LARP1B: variants seen among roughly 807,000 people sequenced by gnomAD.
LARP1B encodes la-related protein 1B.
LARP1B carries 76 observed loss-of-function variants against 114.2 expected under a neutral mutation model. The observed-to-expected ratio is 0.67, with a 90% CI of 0.55 to 0.81. The LOEUF (loss-of-function observed/expected upper bound fraction) is 0.81. Among genes scored for constraint, LARP1B ranks in the 30% least tolerant of loss-of-function variants. The probability of loss-of-function intolerance (pLI) is 0.00; values close to 1 mark genes in which losing one functional copy is unlikely to be tolerated. For missense variants in LARP1B, 1,014 were observed against 1,075.8 expected (o/e 0.94, Z 0.80); for synonymous variants, 345 against 348.0 (o/e 0.99, Z 0.10).
At chr4:128,222,796 A>T (rs907637431), downstream of LARP1B, 1 of 155,842 alleles carries the variant, frequency 6.4e-6, no homozygotes, top group Non-Finnish European at 1.4e-5. Flanking sequence ...GAAGGCAAAA[A>T]GCTGGTTTAT....
intron 11 of LARP1B, among the ~76,000 whole-genome samples, chr4:128,148,739 G>T (rs1731394274): frequency 6.6e-6 from 1 of 152,000 alleles, no homozygotes; most frequent in South Asian, 2.1e-4. Context: ...AAGCAATTCT[G>T]CTGCAGCCTC....
At chr4:128,117,913 C>CTT (rs35542391) in intron 10 of LARP1B, among the ~76,000 whole-genome samples, 10 of 102,580 alleles carry the variant, frequency 9.7e-5, no homozygotes, top group African/African-American at 1.4e-4. Flanking sequence ...AACAGAAAAT[C>CTT]TTTTTTTTTT....
intron 15 of LARP1B, among the ~76,000 whole-genome samples, chr4:128,194,528 C>G (rs1211984832): frequency 6.6e-6 from 1 of 151,430 alleles, no homozygotes; most frequent in Non-Finnish European, 1.5e-5. Context: ...TAAAAATACA[C>G]AAAAATTAGC....
chr4:128,140,179 T>C (rs1469768671), intron 11 of LARP1B, among the ~76,000 whole-genome samples: 2 of 152,232 alleles, frequency 1.3e-5, no homozygotes, highest in Non-Finnish European at 2.9e-5. Flanking sequence ...TACATTGTGT[T>C]TGTATTGGCT....
chr4:128,069,675 A>T lies in LARP1B; in HGVS notation c.-77-4785A>T, dbSNP rs1277771888. ...CACGGATTCTTTTATTAAAATCACA[A>T]TATGGGTTTATTAATCCCTTACTTG... On this transcript the variant is annotated intron_variant, in intron 1 of 19. Transcript: ENST00000326639. 4 of 480,656 alleles carry T rather than the reference A, an allele frequency of 8.3e-6. No homozygotes were observed. The East Asian group carries it at 1.5e-4, about 18-fold the overall frequency. 29.8% of individuals were successfully genotyped at this position (480,656 alleles called of 1,614,324 possible). A position where few individuals can be genotyped will look rare whatever the true frequency, so the allele number is the denominator to read the frequency against.
At chr4:128,122,239 T>A (rs898610296) in intron 11 of LARP1B, 51 bp downstream of exon 11, 1 of 1,585,530 alleles carries the variant, frequency 6.3e-7, no homozygotes, top group African/African-American at 1.4e-5. Context: ...TTTGATTGTA[T>A]GTTGCTGTTT....
At chr4:128,168,830 G>A (rs764535161) in intron 12 of LARP1B, among the ~76,000 whole-genome samples, 9 of 151,866 alleles carry the variant, frequency 5.9e-5, no homozygotes, top group East Asian at 3.9e-4. Context: ...GAATGCTGGC[G>A]TCATAAAATG....
intron 9 of LARP1B, chr4:128,108,225 G>A (rs1282079941): frequency 1.1e-5 from 13 of 1,156,132 alleles, no homozygotes; most frequent in African/African-American, 4.8e-5. Flanking sequence ...TGGAAATACC[G>A]CAAGATTATG....
chr4:128,179,253 G>A, intron 14 of LARP1B, 153 bp from the exon 15 acceptor site: 1 of 453,802 alleles, frequency 2.2e-6, no homozygotes, highest in South Asian at 5.4e-5. Flanking sequence ...ACTTGTGTGT[G>A]AGATTTTTGA....
At chr4:128,188,864 G>C (rs1409226868) in intron 15 of LARP1B, among the ~76,000 whole-genome samples, 1 of 152,112 alleles carries the variant, frequency 6.6e-6, no homozygotes, top group East Asian at 1.9e-4. Flanking sequence ...AAAGATACTT[G>C]ATATGATTTT....
At chr4:128,179,772 G>A (rs1000930396) in intron 15 of LARP1B, among the ~76,000 whole-genome samples, 1 of 151,998 alleles carries the variant, frequency 6.6e-6, no homozygotes, top group Non-Finnish European at 1.5e-5. Context: ...GTAGGTCTAT[G>A]AAAGTTATTA....
rs756718214 is a variant in LARP1B, at chr4:128,145,884, A to G, written c.1525-16310A>G. Among the ~76,000 whole-genome samples the G allele has an allele frequency of 5.1e-4, 78 of 152,372 alleles. No homozygotes were observed. In the Middle Eastern group the frequency reaches 0.01, roughly 20 times the overall value. ...AGGCTGGTATTGGTTGCTCCGTCAT[A>G]GCCAGAAGCAGAAGACCATACCCAT... On this transcript the variant is annotated intron_variant, in intron 11 of 19. Coordinates refer to ENST00000326639, the MANE Select transcript of LARP1B (RefSeq NM_018078.4).
intron 11 of LARP1B, among the ~76,000 whole-genome samples, chr4:128,137,792 T>TATA (rs1491094237): frequency 0.016 from 762 of 47,286 alleles, 7 homozygotes; most frequent in Middle Eastern, 0.04. Context: ...TATATATATA[T>TATA]TTTTTTTTTA....
intron 15 of LARP1B, among the ~76,000 whole-genome samples, chr4:128,196,879 T>C (rs1047394085): frequency 2.0e-5 from 3 of 152,082 alleles, no homozygotes; most frequent in African/African-American, 7.2e-5. Context: ...AGGAATGAAA[T>C]TTTGATTTAT....
intron 1 of LARP1B, among the ~76,000 whole-genome samples, chr4:128,072,868 A>C (rs1765920155): frequency 6.6e-6 from 1 of 152,054 alleles, no homozygotes; most frequent in Admixed American, 6.6e-5. Flanking sequence ...TGTATATATA[A>C]AATTATATTT....
Position 128,092,530 on chromosome 4 carries a change from A to T in LARP1B, c.668+1018A>T, listed in dbSNP as rs1580214834. Among the ~76,000 whole-genome samples the T allele has an allele frequency of 2.6e-5, 4 of 152,330 alleles. No homozygotes were observed. The South Asian group carries it at 6.2e-4, about 24-fold the overall frequency. Reference sequence around the variant, plus strand: ...AGAAAAATGTTGCCAAGTAATTTGCATAACCAATTTGTTAAAACTTGAAAT... The same window carrying T: ...AGAAAAATGTTGCCAAGTAATTTGCTTAACCAATTTGTTAAAACTTGAAAT... On this transcript the variant is annotated intron_variant, in intron 7 of 19. Transcript: ENST00000326639.
chr4:128,111,306 C>A (rs1397791561), intron 9 of LARP1B, among the ~76,000 whole-genome samples: 3 of 152,246 alleles, frequency 2.0e-5, no homozygotes, highest in African/African-American at 7.2e-5. Context: ...CTCGGCCCCC[C>A]AAAGTGCTGG....
intron 9 of LARP1B, among the ~76,000 whole-genome samples, chr4:128,113,247 T>G (rs1373705709): frequency 6.6e-6 from 1 of 152,182 alleles, no homozygotes; most frequent in Non-Finnish European, 1.5e-5. Flanking sequence ...CATCTTCAGA[T>G]CTAAACATGA....
At chr4:128,165,099 A>G (rs1740189194) in intron 12 of LARP1B, among the ~76,000 whole-genome samples, 1 of 152,048 alleles carries the variant, frequency 6.6e-6, no homozygotes. Context: ...AGGAGCCATG[A>G]AGAGAAGCAA....
Sources: gnomAD v4.1 joint callset for allele counts (sites outside exome capture counted in the v4.1 genomes callset) on GRCh38, gnomAD v4.1.1 for gene constraint, MANE v1.5 for transcripts, NCBI Gene and HGNC (gene_info 2026-07-23, HGNC 2026-07-21) for gene names.